Variants in GABRG3 observed in about 807,000 individuals in gnomAD.
The protein encoded by GABRG3 is gamma-aminobutyric acid receptor subunit gamma-3.
A neutral mutation model predicts 48.8 loss-of-function variants in GABRG3; 25 were observed. The ratio of observed to expected loss-of-function variants is 0.51; its 90% CI spans 0.37 to 0.72. The LOEUF is 0.72. Ranked by LOEUF, GABRG3 falls within the 30% of genes least tolerant of loss-of-function variation. The pLI, the probability that GABRG3 is intolerant of heterozygous loss-of-function variation, is 0.00. For synonymous variants in GABRG3, 227 were observed against 217.6 expected, an observed-to-expected ratio of 1.04 and a Z score of -0.38; for missense variants, 394 against 577.9, an observed-to-expected ratio of 0.68 and a Z score of 3.26.
chr15:27,292,651 A>G (rs1278197864), intron 3 of GABRG3, among the ~76,000 whole-genome samples: 1 of 152,178 alleles, frequency 6.6e-6, no homozygotes, highest in Non-Finnish European at 1.5e-5. Flanking sequence ...ATCTTTCTCT[A>G]TTAGCATAAA....
chr15:27,064,185 C>T (rs890075481), intron 3 of GABRG3, among the ~76,000 whole-genome samples: 2 of 152,222 alleles, frequency 1.3e-5, no homozygotes, highest in South Asian at 2.1e-4. Flanking sequence ...CCCAGGAGGG[C>T]GCAGGGTGGA....
intron 3 of GABRG3, among the ~76,000 whole-genome samples, chr15:27,105,896 T>C (rs1897441282): frequency 6.6e-6 from 1 of 151,994 alleles, no homozygotes; most frequent in African/African-American, 2.4e-5. Context: ...GATGGACAAA[T>C]GGATAAATAA....
intron 3 of GABRG3, among the ~76,000 whole-genome samples, chr15:27,047,205 C>G (rs865859459): frequency 6.6e-6 from 1 of 152,170 alleles, no homozygotes; most frequent in Non-Finnish European, 1.5e-5. Context: ...CCATATTCCC[C>G]GAGACTTCCC....
chr15:27,249,549 G>A (rs17648754), intron 3 of GABRG3, among the ~76,000 whole-genome samples: 14,373 of 152,270 alleles, frequency 0.094, 766 homozygotes, highest in Middle Eastern at 0.18. Context: ...ATAAGGTTCT[G>A]TGCTCACCAC....
intron 2 of GABRG3, among the ~76,000 whole-genome samples, chr15:27,007,894 A>C (rs750046381): frequency 4.6e-5 from 7 of 152,116 alleles, no homozygotes; most frequent in African/African-American, 1.7e-4. Flanking sequence ...TACTCTGCAG[A>C]AGCTCTTTAG....
At chr15:27,433,333 C>A (rs754843443) in intron 5 of GABRG3, among the ~76,000 whole-genome samples, 1 of 152,184 alleles carries the variant, frequency 6.6e-6, no homozygotes. Context: ...TCGAAAATGG[C>A]TCTTACCAGG....
chr15:27,358,219 G>A (rs1347819748), intron 5 of GABRG3, among the ~76,000 whole-genome samples: 5 of 152,088 alleles, frequency 3.3e-5, no homozygotes, highest in Non-Finnish European at 7.4e-5. Flanking sequence ...TCAAGAAAAT[G>A]GCTACCAAAC....
At chr15:26,981,336 C>A (rs1895050707) in intron 2 of GABRG3, among the ~76,000 whole-genome samples, 1 of 152,166 alleles carries the variant, frequency 6.6e-6, no homozygotes, top group Admixed American at 6.5e-5. Context: ...TTACGGATTT[C>A]TAGCCTGATT....
At chr15:27,084,217 G>T (rs972986040) in intron 3 of GABRG3, among the ~76,000 whole-genome samples, 1 of 152,210 alleles carries the variant, frequency 6.6e-6, no homozygotes, top group Admixed American at 6.5e-5. Flanking sequence ...TCTTGTCCTT[G>T]AGCCTTTTGG....
At chr15:27,198,789 A>G (rs1368209955) in intron 3 of GABRG3, among the ~76,000 whole-genome samples, 1 of 152,240 alleles carries the variant, frequency 6.6e-6, no homozygotes, top group Non-Finnish European at 1.5e-5. Context: ...AATGTGGCAT[A>G]TATACACCGT....
intron 3 of GABRG3, among the ~76,000 whole-genome samples, chr15:27,216,766 A>T (rs1332488590): frequency 7.9e-5 from 7 of 88,130 alleles, no homozygotes; most frequent in South Asian, 4.5e-4. Context: ...TTATTTATTT[A>T]TTTATTTTTT....
chr15:27,178,513 C>T (rs985385974), intron 3 of GABRG3, among the ~76,000 whole-genome samples: 6 of 152,178 alleles, frequency 3.9e-5, no homozygotes, highest in South Asian at 2.1e-4. Context: ...TTTGGCTCTC[C>T]GAAGGTTTGC....
At chr15:27,329,989 C>G (rs1893750213) in intron 5 of GABRG3, among the ~76,000 whole-genome samples, 1 of 152,164 alleles carries the variant, frequency 6.6e-6, no homozygotes, top group Non-Finnish European at 1.5e-5. Flanking sequence ...CGCCTGTAAT[C>G]CCAGCACTTT....
rs976236036 is a variant in GABRG3 at position 27,331,994 on chromosome 15, C to T, written c.574+3106C>T. ...TGGATGCCCAAAATATAAAACAGTG[C>T]TTTAAAGTATAAGTTTTTGAACCAC... On this transcript the variant is annotated intron_variant, in intron 5 of 9. Coordinates refer to ENST00000615808, the MANE Select transcript of GABRG3 (RefSeq NM_033223.5). Among the ~76,000 whole-genome samples the T allele has an allele frequency of 2.6e-5, 4 of 151,902 alleles. No individual in the cohort carries two copies. In the East Asian group the frequency reaches 7.7e-4, roughly 29 times the overall value.
chr15:27,117,858 T>C (rs910656752), intron 3 of GABRG3, among the ~76,000 whole-genome samples: 1 of 152,196 alleles, frequency 6.6e-6, no homozygotes, highest in Non-Finnish European at 1.5e-5. Flanking sequence ...TCTTCAAGAA[T>C]GCCCTCTAGA....
At chr15:27,009,086 G>A (rs879499795) in intron 2 of GABRG3, among the ~76,000 whole-genome samples, 4 of 152,134 alleles carry the variant, frequency 2.6e-5, no homozygotes, top group Non-Finnish European at 4.4e-5. Context: ...TCACGGTGCC[G>A]TCTGGAAGAC....
At chr15:27,279,218 T>C (rs1891354965) in intron 3 of GABRG3, among the ~76,000 whole-genome samples, 1 of 152,228 alleles carries the variant, frequency 6.6e-6, no homozygotes, top group South Asian at 2.1e-4. Flanking sequence ...GTAGACTGTC[T>C]TTTCTTCCTC....
intron 3 of GABRG3, among the ~76,000 whole-genome samples, chr15:27,071,884 A>G (rs1453727815): frequency 6.6e-6 from 1 of 152,198 alleles, no homozygotes; most frequent in East Asian, 1.9e-4. Flanking sequence ...TTAGTTGATT[A>G]CTTTCCTCTT....
chr15:27,084,380 A>G (rs998343556), intron 3 of GABRG3, among the ~76,000 whole-genome samples: 9 of 152,200 alleles, frequency 5.9e-5, no homozygotes, highest in African/African-American at 2.2e-4. Flanking sequence ...TCTACCTGGC[A>G]AGGTGCCTCC....
Sources: allele counts gnomAD v4.1 joint callset (sites outside exome capture counted in the v4.1 genomes callset), GRCh38; gene constraint gnomAD v4.1.1; transcripts MANE v1.5; gene names NCBI Gene and HGNC (gene_info 2026-07-23, HGNC 2026-07-21).